ZMYND11: variants seen among roughly 807,000 people sequenced by gnomAD.
ZMYND11 encodes the protein zinc finger MYND-type containing 11.
In ZMYND11, 9 loss-of-function variants were observed where a neutral mutation model predicts 84.9. The ratio of observed to expected loss-of-function variants is 0.11; its 90% CI spans 0.06 to 0.18. The LOEUF is 0.18. ZMYND11 is among the 10% of genes least tolerant of loss of function. The pLI, the probability that ZMYND11 is intolerant of heterozygous loss-of-function variation, is 1.00. For synonymous variants in ZMYND11, 250 were observed against 244.1 expected (o/e 1.02, Z -0.23); for missense variants, 409 against 761.0 (o/e 0.54, Z 5.44).
intron 1 of ZMYND11, among the ~76,000 whole-genome samples, chr10:166,143 C>G (rs1843962916): frequency 6.6e-6 from 1 of 152,084 alleles, no homozygotes; most frequent in South Asian, 2.1e-4. Context: ...AAGCCAGAAC[C>G]CTAAAACTTG....
At chr10:250,689 T>C (rs1953259935) in intron 14 of ZMYND11, among the ~76,000 whole-genome samples, 1 of 152,076 alleles carries the variant, frequency 6.6e-6, no homozygotes, top group South Asian at 2.1e-4. Flanking sequence ...ATTAAAAACC[T>C]AGTTGGCAGA....
intron 10 of ZMYND11, among the ~76,000 whole-genome samples, chr10:243,364 T>A (rs939590623): frequency 1.3e-5 from 2 of 152,172 alleles, no homozygotes; most frequent in African/African-American, 4.8e-5. Context: ...TAAAACACAG[T>A]TAACTTAGAA....
At position 252,225 on chromosome 10, in the gene ZMYND11, A is replaced by G; in HGVS notation, c.1687-123A>G. On this transcript the variant is annotated intron_variant, in intron 14 of 14. Transcript: ENST00000381604. This position sits in a 1 kb window ranked among gnomAD's most constrained non-coding sequence, Gnocchi z 4.6. The stretch of plus-strand genomic sequence containing the variant: ...TCTGCTGTGCATAAAACGTATTCAG[A>G]TTCCACAAAAGGTTGAGCCAGAAAG... 1 of 1,230,108 alleles carries G rather than the reference A, an allele frequency of 8.1e-7. No homozygotes were observed. The highest frequency in any genetic ancestry group is 2.1e-5 in the Admixed American group (1 of 47,406). 76.2% of individuals were successfully genotyped at this position (1,230,108 alleles called of 1,614,324 possible).
chr10:175,976 C>T (rs1846525670), intron 1 of ZMYND11, among the ~76,000 whole-genome samples: 1 of 152,194 alleles, frequency 6.6e-6, no homozygotes, highest in Non-Finnish European at 1.5e-5. Context: ...CTTCCCTGCA[C>T]CCTCAACTGT....
intron 2 of ZMYND11, among the ~76,000 whole-genome samples, chr10:198,425 A>G (rs1564365426): frequency 6.6e-6 from 1 of 152,166 alleles, no homozygotes; most frequent in African/African-American, 2.4e-5. Flanking sequence ...TAACAAAAAT[A>G]TAATTGAAAG....
intron 1 of ZMYND11, among the ~76,000 whole-genome samples, chr10:166,352 A>G (rs1232042027): frequency 6.6e-6 from 1 of 152,154 alleles, no homozygotes; most frequent in East Asian, 1.9e-4. Context: ...TATATCTGAT[A>G]CTGGATTGGT....
intron 4 of ZMYND11, among the ~76,000 whole-genome samples, chr10:234,661 G>A (rs1266630444): frequency 1.3e-5 from 2 of 152,188 alleles, no homozygotes; most frequent in African/African-American, 4.8e-5. Flanking sequence ...GTTGGCATGA[G>A]AGAAGGCCAT....
intron 1 of ZMYND11, among the ~76,000 whole-genome samples, chr10:156,638 A>C (rs1457789825): frequency 2.0e-5 from 3 of 152,224 alleles, no homozygotes; most frequent in Non-Finnish European, 4.4e-5. Flanking sequence ...AAGTAAAAAC[A>C]AAACAAAATA....
At chr10:132,763 C>T (rs1255682962), upstream of ZMYND11, among the ~76,000 whole-genome samples, 4 of 152,178 alleles carry the variant, frequency 2.6e-5, no homozygotes, top group African/African-American at 9.7e-5. Context: ...TCTGGACACT[C>T]ATTCTAGAAA....
chr10:207,315 T>G (rs925923985), intron 2 of ZMYND11, among the ~76,000 whole-genome samples: 17 of 152,226 alleles, frequency 1.1e-4, no homozygotes, highest in Admixed American at 5.9e-4. Context: ...GCATGTGTCT[T>G]TATAGCAGCA....
At position 225,657 on chromosome 10, in the gene ZMYND11, A is replaced by G. The variant is rs184555771; in HGVS notation, c.438+4301A>G. 3.9e-3 allele frequency among the ~76,000 whole-genome samples: 596 copies of G among 151,996 alleles called. 1 individual carries two copies. Among genetic ancestry groups the G allele is most frequent in the Non-Finnish European group, 6.8e-3 (459 of 67,956 alleles). On this transcript the variant is annotated intron_variant, in intron 4 of 14. Transcript: ENST00000381604. Reference sequence around the variant, plus strand: ...GCCACCATACCGGCTGTCTCATTTTATTTTTGCTTCATTTTCATATATATA... The same window carrying G: ...GCCACCATACCGGCTGTCTCATTTTGTTTTTGCTTCATTTTCATATATATA...
chr10:234,013 G>A (rs575927268), intron 4 of ZMYND11, among the ~76,000 whole-genome samples: 31 of 152,232 alleles, frequency 2.0e-4, no homozygotes, highest in African/African-American at 6.5e-4. Context: ...TTTAAACTGG[G>A]TAATTACATG....
intron 2 of ZMYND11, among the ~76,000 whole-genome samples, chr10:204,126 A>G (rs1326264135): frequency 6.6e-6 from 1 of 152,128 alleles, no homozygotes; most frequent in East Asian, 1.9e-4. Context: ...TGTTGTCCAT[A>G]TTTAAATCTG....
At chr10:162,112 T>TA (rs1843059642) in intron 1 of ZMYND11, among the ~76,000 whole-genome samples, 2 of 152,206 alleles carry the variant, frequency 1.3e-5, no homozygotes, top group African/African-American at 4.8e-5. Context: ...GTAGGGCTAT[T>TA]AATGCGCCGG....
chr10:236,866 A>G lies in ZMYND11; in HGVS notation c.467A>G (p.Gln156Arg). Residue 156 changes from glutamine to arginine, a missense_variant, in exon 5 of 15, where the codon CAG becomes CGG. Physicochemically the swap from Gln to Arg is conservative, Grantham distance 43. Coordinates refer to ENST00000381604, the MANE Select transcript of ZMYND11 (RefSeq NM_001370100.5). ...RSIKKKNTNK[Q>R]EMGTYLRFIV... ...ATTAAGAAGAAGAATACAAACAAAC[A>G]GGAGATGGGCACATACCTCAGATTC... is the stretch of plus-strand genomic sequence containing the variant. 6.2e-7 allele frequency: 1 copy of G among 1,613,644 alleles called. No individual in the cohort carries two copies. Among genetic ancestry groups the G allele is most frequent in the Non-Finnish European group, 8.5e-7 (1 of 1,179,840 alleles).
chr10:232,757 T>TACAG (rs1252335360), intron 4 of ZMYND11, among the ~76,000 whole-genome samples: 1 of 152,240 alleles, frequency 6.6e-6, no homozygotes, highest in African/African-American at 2.4e-5. Flanking sequence ...AGTCCTTCTA[T>TACAG]ACAGCCCAAA....
intron 7 of ZMYND11, 119 bp from the exon 8 acceptor site, chr10:239,937 G>T: frequency 1.4e-6 from 1 of 740,716 alleles, no homozygotes; most frequent in Non-Finnish European, 2.2e-6. Context: ...TATTTTAAAT[G>T]GACATTTTGG....
At chr10:178,960 C>T (rs1201125687) in intron 1 of ZMYND11, among the ~76,000 whole-genome samples, 1 of 152,138 alleles carries the variant, frequency 6.6e-6, no homozygotes, top group African/African-American at 2.4e-5. Flanking sequence ...TCATGGAACA[C>T]AGCAAAGTGC....
intron 4 of ZMYND11, among the ~76,000 whole-genome samples, chr10:233,030 G>A (rs1949269769): frequency 6.6e-6 from 1 of 152,188 alleles, no homozygotes; most frequent in South Asian, 2.1e-4. Flanking sequence ...CAGGGCTGCT[G>A]CACCAGCGTG....
Sources: allele counts gnomAD v4.1 joint callset (sites outside exome capture counted in the v4.1 genomes callset), GRCh38; gene constraint gnomAD v4.1.1; non-coding constraint Gnocchi (gnomAD v3.1); transcripts MANE v1.5; gene names NCBI Gene and HGNC (gene_info 2026-07-23, HGNC 2026-07-21).